Variants in CSMD1 observed in about 807,000 individuals in gnomAD.
CSMD1 encodes CUB and sushi domain-containing protein 1.
In CSMD1, 213 loss-of-function variants were observed where a neutral mutation model predicts 417.5. The observed-to-expected ratio is 0.51, with a 90% confidence interval of 0.46 to 0.57. The LOEUF is 0.57. Ranked by LOEUF, CSMD1 falls within the 20% of genes least tolerant of loss-of-function variation. The pLI is 0.00. For missense variants in CSMD1, 6,923 were observed against 4,529.7 expected, an observed-to-expected ratio of 1.53 and a Z score of -15.17; for synonymous variants, 2,862 against 1,736.8, an observed-to-expected ratio of 1.65 and a Z score of -16.11.
intron 6 of CSMD1, among the ~76,000 whole-genome samples, chr8:3,748,990 T>C (rs918780770): frequency 6.6e-6 from 1 of 152,234 alleles, no homozygotes; most frequent in East Asian, 1.9e-4. Context: ...AATGGGAATT[T>C]CATTTTATGA....
At chr8:3,564,796 T>G (rs1343438252) in intron 10 of CSMD1, among the ~76,000 whole-genome samples, 1 of 150,950 alleles carries the variant, frequency 6.6e-6, no homozygotes, top group African/African-American at 2.4e-5. Context: ...ATGACAGAGG[T>G]GTGAGAGGGA....
rs145430047 is a variant in CSMD1, at chr8:3,983,832, G to C, written c.818+14071C>G. Among the ~76,000 whole-genome samples, 757 of 152,194 alleles carry C rather than the reference G, an allele frequency of 5.0e-3. 11 individuals are homozygous for C. Among genetic ancestry groups the C allele is most frequent in the African/African-American group, 0.018 (732 of 41,512 alleles). On this transcript the variant is annotated intron_variant, in intron 5 of 69. Transcript: ENST00000635120. ...AAATGCAGCTCCAGAGCACCTGGCA[G>C]ATCTGGCCGGCTGTCAATTGCAACT...
chr8:3,753,101 T>C (rs146641260), intron 6 of CSMD1, among the ~76,000 whole-genome samples: 1 of 152,178 alleles, frequency 6.6e-6, no homozygotes, highest in Non-Finnish European at 1.5e-5. Context: ...CAGGGCTTGG[T>C]GTCCTCTCTG....
chr8:4,931,572 A>G (rs34828022), intron 1 of CSMD1, among the ~76,000 whole-genome samples: 8 of 74,234 alleles, frequency 1.1e-4, no homozygotes, highest in Middle Eastern at 0.017. Flanking sequence ...GCTGATTTCA[A>G]GAAAAAAGTC....
At chr8:4,781,537 G>T (rs993190408) in intron 1 of CSMD1, among the ~76,000 whole-genome samples, 6 of 152,146 alleles carry the variant, frequency 3.9e-5, no homozygotes, top group African/African-American at 1.4e-4. Flanking sequence ...AAAATCATAA[G>T]GCCAATAGGA....
intron 2 of CSMD1, among the ~76,000 whole-genome samples, chr8:4,515,342 C>A (rs894152430): frequency 2.0e-5 from 3 of 152,098 alleles, no homozygotes; most frequent in Non-Finnish European, 1.5e-5. Context: ...GTTATGGCCT[C>A]GCTTGATAGG....
At chr8:4,587,341 G>A (rs1799752986) in intron 2 of CSMD1, among the ~76,000 whole-genome samples, 4 of 152,050 alleles carry the variant, frequency 2.6e-5, no homozygotes, top group South Asian at 4.1e-4. Context: ...CTGTAAAACT[G>A]TGAGCTTTTC....
intron 4 of CSMD1, among the ~76,000 whole-genome samples, chr8:4,022,927 T>G (rs912763995): frequency 6.6e-6 from 1 of 152,144 alleles, no homozygotes; most frequent in African/African-American, 2.4e-5. Flanking sequence ...TGCAACTAAG[T>G]AATGAGAGAA....
chr8:3,709,175 C>T (rs1160512823), intron 6 of CSMD1, among the ~76,000 whole-genome samples: 19 of 137,376 alleles, frequency 1.4e-4, no homozygotes, highest in East Asian at 1.1e-3. Flanking sequence ...TGGTCACTTA[C>T]GGAAAAAAAA....
intron 22 of CSMD1, among the ~76,000 whole-genome samples, chr8:3,346,299 C>T (rs1214267239): frequency 8.5e-5 from 13 of 152,108 alleles, no homozygotes; most frequent in Admixed American, 6.5e-4. Context: ...TAATATTTAT[C>T]CTTGTGTATT....
chr8:4,211,557 T>A (rs1274977498), intron 3 of CSMD1, among the ~76,000 whole-genome samples: 1 of 152,190 alleles, frequency 6.6e-6, no homozygotes, highest in Non-Finnish European at 1.5e-5. Context: ...CAAGAAATGT[T>A]TACTCAAATT....
chr8:4,894,747 AG>A (rs1294771407), intron 1 of CSMD1, among the ~76,000 whole-genome samples: 1 of 151,368 alleles, frequency 6.6e-6, no homozygotes, highest in Non-Finnish European at 1.5e-5. Context: ...AGGGGGACCA[AG>A]TGTGTTTGTG....
At chr8:4,159,295 A>C (rs1797013135) in intron 3 of CSMD1, among the ~76,000 whole-genome samples, 1 of 152,202 alleles carries the variant, frequency 6.6e-6, no homozygotes, top group Admixed American at 6.5e-5. Flanking sequence ...TTTATACCTC[A>C]AGTATTTTAA....
chr8:4,610,672 T>C (rs1395287180), intron 2 of CSMD1, among the ~76,000 whole-genome samples: 1 of 152,210 alleles, frequency 6.6e-6, no homozygotes, highest in African/African-American at 2.4e-5. Context: ...ATCCCATGAA[T>C]TAGTTTGTTA....
Position 3,935,921 on chromosome 8 carries a change from T to G in CSMD1, c.818+61982A>C, listed in dbSNP as rs760994798. Reference sequence around the variant, plus strand: ...GAGACAGGCTGAAAACTAAGCCTCCTGCACTAAACAGTGAGCCAAGCTGTG... The same window carrying G: ...GAGACAGGCTGAAAACTAAGCCTCCGGCACTAAACAGTGAGCCAAGCTGTG... On this transcript the variant is annotated intron_variant, in intron 5 of 69. Coordinates refer to ENST00000635120, the MANE Select transcript of CSMD1 (RefSeq NM_033225.6). Among the ~76,000 whole-genome samples the G allele has an allele frequency of 3.6e-4, 55 of 152,190 alleles. 1 individual carries two copies. Among genetic ancestry groups the G allele is most frequent in the African/African-American group, 1.2e-4 (5 of 41,458 alleles).
intron 33 of CSMD1, 37 bp downstream of exon 33, chr8:3,199,677 C>T (rs1191357316): frequency 7.1e-7 from 1 of 1,417,964 alleles, no homozygotes; most frequent in Non-Finnish European, 9.7e-7. Context: ...CAGGAAAGAC[C>T]ACAGTGACAT....
chr8:3,520,039 T>TATACACAC (rs545212684), intron 10 of CSMD1, among the ~76,000 whole-genome samples: 60 of 147,184 alleles, frequency 4.1e-4, no homozygotes, highest in South Asian at 3.4e-3. Flanking sequence ...TATATATATA[T>TATACACAC]ACACGTATAG....
At chr8:3,943,275 G>C (rs983372860) in intron 5 of CSMD1, among the ~76,000 whole-genome samples, 9 of 151,622 alleles carry the variant, frequency 5.9e-5, no homozygotes, top group Non-Finnish European at 1.0e-4. Flanking sequence ...ATTTTATAAA[G>C]TGTATGCAAA....
chr8:4,790,613 G>T (rs560807863), intron 1 of CSMD1, among the ~76,000 whole-genome samples: 2 of 152,108 alleles, frequency 1.3e-5, no homozygotes, highest in Non-Finnish European at 2.9e-5. Flanking sequence ...AAAACAGCAC[G>T]GTACTGGTAC....
Sources: allele counts gnomAD v4.1 joint callset (sites outside exome capture counted in the v4.1 genomes callset), GRCh38; gene constraint gnomAD v4.1.1; transcripts MANE v1.5; gene names NCBI Gene and HGNC (gene_info 2026-07-23, HGNC 2026-07-21).